C10orf143: variants seen among roughly 807,000 people sequenced by gnomAD.
C10orf143 encodes uncharacterized protein C10orf143.
intron 1 of C10orf143, among the ~76,000 whole-genome samples, chr10:130,109,347 C>G (rs1276442378): frequency 6.6e-6 from 1 of 151,998 alleles, no homozygotes; most frequent in Admixed American, 6.5e-5. Context: ...AGGGTGACAC[C>G]CAGGGGATGG....
At chr10:130,093,811 C>A (rs1182994) in intron 1 of C10orf143, among the ~76,000 whole-genome samples, 1 of 151,718 alleles carries the variant, frequency 6.6e-6, no homozygotes, top group Non-Finnish European at 1.5e-5. Flanking sequence ...AGATTGAGAT[C>A]GTCCTGGCTA....
At chr10:130,073,247 A>G (rs1448311382) in intron 3 of C10orf143, among the ~76,000 whole-genome samples, 1 of 152,188 alleles carries the variant, frequency 6.6e-6, no homozygotes, top group Non-Finnish European at 1.5e-5. Flanking sequence ...CAAGGCCTTC[A>G]GGACTTCAAT....
intron 3 of C10orf143, among the ~76,000 whole-genome samples, chr10:130,069,308 C>T (rs1156928798): frequency 6.6e-6 from 1 of 152,192 alleles, no homozygotes; most frequent in Admixed American, 6.5e-5. Flanking sequence ...GCCACATATG[C>T]CTTTCCTCAA....
chr10:130,052,355 A>T (rs1483544570), intron 3 of C10orf143, among the ~76,000 whole-genome samples: 1 of 152,056 alleles, frequency 6.6e-6, no homozygotes, highest in Non-Finnish European at 1.5e-5. Context: ...GACTCCAGGT[A>T]CCTCCAGGTG....
downstream of C10orf143, among the ~76,000 whole-genome samples, chr10:130,060,822 C>CA (rs11312813): frequency 2.0e-3 from 109 of 53,186 alleles, no homozygotes; most frequent in Admixed American, 2.6e-3. Flanking sequence ...GACTCCGTCT[C>CA]AAAAAAAAAA....
rs188978156 is a variant in C10orf143, at chr10:130,099,945, C to T, written c.69+10759G>A. Reference sequence around the variant, plus strand: ...CTCCGCCTCCCAGGTTCAAGCGATTCTCCCACCGCAGGCTCTTGAGTAGCT... The same window carrying T: ...CTCCGCCTCCCAGGTTCAAGCGATTTTCCCACCGCAGGCTCTTGAGTAGCT... On this transcript the variant is annotated intron_variant, in intron 1 of 3. Transcript: ENST00000637128. Among the ~76,000 whole-genome samples, 549 of 150,336 alleles carry T rather than the reference C, an allele frequency of 3.7e-3. 1 individual carries two copies. Among genetic ancestry groups the T allele is most frequent in the Middle Eastern group, 6.9e-3 (2 of 288 alleles).
intron 1 of C10orf143, among the ~76,000 whole-genome samples, chr10:130,082,701 A>G (rs935275549): frequency 2.6e-5 from 4 of 152,174 alleles, no homozygotes; most frequent in African/African-American, 9.7e-5. Context: ...TTTATAAATT[A>G]CCCAGTCTCC....
chr10:130,107,420 C>T (rs1183564492), intron 1 of C10orf143: 1 of 1,244,776 alleles, frequency 8.0e-7, no homozygotes, highest in Admixed American at 1.7e-5. Flanking sequence ...GAAAAAGGCA[C>T]ATCATAACTG....
At chr10:130,106,923 TGA>T in intron 1 of C10orf143, 1 of 1,012,086 alleles carries the variant, frequency 9.9e-7, no homozygotes, top group Non-Finnish European at 1.6e-6. Context: ...AACTTAGAAG[TGA>T]ACAGTGAATC....
In C10orf143 at chr10:130,071,593, C is replaced by G. The variant is rs927209528; in HGVS notation, c.298-7210G>C. 2.0e-5 allele frequency among the ~76,000 whole-genome samples: 3 copies of G among 152,110 alleles called. No individual in the cohort carries two copies. In the East Asian group the frequency reaches 5.8e-4, roughly 29 times the overall value. ...TTTCTTAGACAATGATGAAAGAATT[C>G]TGATATGTAGCATGTCTTAATATAT... On this transcript the variant is annotated intron_variant, in intron 3 of 3. Coordinates refer to ENST00000637128, the MANE Select transcript of C10orf143 (RefSeq NM_001355042.2).
At chr10:130,088,542 G>A (rs190533493) in intron 1 of C10orf143, among the ~76,000 whole-genome samples, 420 of 152,194 alleles carry the variant, frequency 2.8e-3, no homozygotes, top group South Asian at 5.8e-3. Flanking sequence ...CCCTTATGCC[G>A]AAGATCATTT....
chr10:130,039,381 A>T (rs1466370184), intron 3 of C10orf143, among the ~76,000 whole-genome samples: 1 of 152,084 alleles, frequency 6.6e-6, no homozygotes, highest in African/African-American at 2.4e-5. Flanking sequence ...CCGCCACGTG[A>T]GTCCCAGTGT....
chr10:130,107,236 A>G (rs746391327), intron 1 of C10orf143: 2 of 1,290,814 alleles, frequency 1.5e-6, no homozygotes, highest in East Asian at 4.6e-5. Context: ...TCTACAGGAA[A>G]TTAACAGTAG....
intron 3 of C10orf143, among the ~76,000 whole-genome samples, chr10:130,044,945 C>G (rs559720270): frequency 1.3e-5 from 2 of 152,164 alleles, no homozygotes; most frequent in African/African-American, 4.8e-5. Context: ...AGGTGAAGAC[C>G]TAGGCTGGAG....
intron 4 of C10orf143, among the ~76,000 whole-genome samples, chr10:130,035,417 G>A (rs550275508): frequency 1.3e-5 from 2 of 152,242 alleles, no homozygotes; most frequent in South Asian, 4.1e-4. Context: ...TGATTTACTG[G>A]GGGTTAGGAT....
intron 3 of C10orf143, chr10:130,066,182 AT>A (rs764477540): frequency 0.01 from 1,158 of 112,870 alleles, 12 homozygotes; most frequent in African/African-American, 0.026. Context: ...TGAGACCTGG[AT>A]TTTTTTTTTT....
At chr10:130,039,137 C>T (rs768176908) in intron 3 of C10orf143, among the ~76,000 whole-genome samples, 38 of 151,590 alleles carry the variant, frequency 2.5e-4, no homozygotes, top group Non-Finnish European at 4.4e-4. Context: ...CAGCTGGGAA[C>T]GGTGACACTA....
At chr10:130,075,108 G>C (rs887876939) in intron 3 of C10orf143, among the ~76,000 whole-genome samples, 3 of 151,962 alleles carry the variant, frequency 2.0e-5, no homozygotes, top group Non-Finnish European at 2.9e-5. Context: ...AAGAAAAAAA[G>C]ATAAGGCTAA....
chr10:130,068,694 T>G (rs1249722760), intron 3 of C10orf143: 1 of 144,254 alleles, frequency 6.9e-6, no homozygotes, highest in Non-Finnish European at 1.5e-5. Context: ...TAATTATCAA[T>G]AAAGAGAGAA....
Sources: allele counts gnomAD v4.1 joint callset (sites outside exome capture counted in the v4.1 genomes callset), GRCh38; gene constraint gnomAD v4.1.1; transcripts MANE v1.5; gene names NCBI Gene and HGNC (gene_info 2026-07-23, HGNC 2026-07-21).